NCBP1: variants seen among roughly 807,000 people sequenced by gnomAD.
NCBP1 encodes the protein nuclear cap-binding protein subunit 1.
Under a neutral mutation model 111.7 loss-of-function variants are expected in NCBP1, and 16 were observed. That is an observed-to-expected ratio of 0.14 (90% CI 0.10 to 0.22). NCBP1 has a LOEUF of 0.22. NCBP1 is among the 10% of genes least tolerant of loss of function. NCBP1 has a pLI of 1.00. For synonymous variants in NCBP1, 304 were observed against 314.3 expected (o/e 0.97, Z 0.35); for missense variants, 607 against 957.5 (o/e 0.63, Z 4.83).
intron 1 of NCBP1, among the ~76,000 whole-genome samples, chr9:97,637,381 T>C (rs1215273263): frequency 6.6e-6 from 1 of 152,236 alleles, no homozygotes; most frequent in Admixed American, 6.5e-5. Flanking sequence ...TGCAGTCCAT[T>C]GTTTGTTCTT....
In NCBP1 at chr9:97,672,508, T is replaced by G. The variant is rs1828222123; in HGVS notation, c.*1309T>G. On this transcript the variant is annotated 3_prime_UTR_variant, in exon 23 of 23. Transcript: ENST00000375147. The stretch of plus-strand genomic sequence containing the variant: ...AGAAAAATCCAGGTTGCGTGGCTGG[T>G]TAGTAAAGGACTAAAACCCAGGTTC... 6.6e-6 allele frequency: 1 copy of G among 152,210 alleles called. No homozygotes were observed. The highest frequency in any genetic ancestry group is 6.5e-5 in the Admixed American group (1 of 15,280). 9.4% of individuals were successfully genotyped at this position (152,210 alleles called of 1,614,324 possible).
chr9:97,672,625 T>TG lies in NCBP1; in HGVS notation c.*1427dup, dbSNP rs1409469494. On this transcript the variant is annotated 3_prime_UTR_variant, in exon 23 of 23. Coordinates refer to ENST00000375147, the MANE Select transcript of NCBP1 (RefSeq NM_002486.5). ...ATTATATATAATTACAGTTGACCCT[T>TG]GAACAACATGGGTTTGAACTGTGTG... 1.3e-5 allele frequency: 2 copies of TG among 152,322 alleles called. No homozygotes were observed. Among genetic ancestry groups the TG allele is most frequent in the Non-Finnish European group, 2.9e-5 (2 of 68,148 alleles). The allele number at this position is 152,322 out of a possible 1,614,324, so 9.4% of individuals were successfully genotyped here. A position where few individuals can be genotyped will look rare whatever the true frequency, so the allele number is the denominator to read the frequency against.
chr9:97,656,048 C>T lies in NCBP1; in HGVS notation c.1336C>T (p.Pro446Ser), dbSNP rs753846445. The T allele has an allele frequency of 1.9e-6, 3 of 1,614,070 alleles. No homozygotes were observed. In the Admixed American group the frequency reaches 5.0e-5, roughly 27 times the overall value. ...TAGTCAAGATCCTGAAAGTCCCAAA[C>T]CGAAGTTTGTAAGAGAAGTTCTAGA... ...CLSQDPESPKPKFVREVLEKC... is the reference protein window; with the variant it reads ...CLSQDPESPKSKFVREVLEKC... Residue 446 changes from proline to serine, a missense_variant, in exon 14 of 23, where the codon CCG becomes TCG. Pro to Ser is a moderately conservative substitution (Grantham distance 74). Transcript: ENST00000375147.
At chr9:97,635,373 G>A (rs1232380484) in intron 1 of NCBP1, among the ~76,000 whole-genome samples, 2 of 150,964 alleles carry the variant, frequency 1.3e-5, no homozygotes, top group Non-Finnish European at 2.9e-5. Context: ...GAGGTTTCTT[G>A]TGTAACCTCT....
rs920130487 is a variant in NCBP1 at position 97,638,565 on chromosome 9, G to A, written c.35-2229G>A. 2.0e-5 allele frequency among the ~76,000 whole-genome samples: 3 copies of A among 152,188 alleles called. No individual in the cohort carries two copies. In the South Asian group the frequency reaches 6.2e-4, roughly 31 times the overall value. ...TGAGCCAGAAAGAAGGGAACAGTGT[G>A]CTTAAGGTTTAAAAAACAGCAACAA... On this transcript the variant is annotated intron_variant, in intron 1 of 22. Transcript: ENST00000375147.
intron 1 of NCBP1, 64 bp from the exon 2 acceptor site, chr9:97,640,730 G>A (rs1019062345): frequency 7.6e-7 from 1 of 1,307,686 alleles, no homozygotes; most frequent in Non-Finnish European, 1.1e-6. Context: ...ACCTAAAAAG[G>A]TTAAATAAAA....
intron 9 of NCBP1, 103 bp from the exon 10 acceptor site, chr9:97,651,207 G>T: frequency 1.2e-6 from 1 of 827,364 alleles, no homozygotes; most frequent in Non-Finnish European, 1.8e-6. Context: ...TTTCAAAAAA[G>T]ATTTTTCTTT....
intron 22 of NCBP1, 39 bp from the exon 23 acceptor site, chr9:97,671,047 T>C: frequency 7.2e-7 from 1 of 1,384,378 alleles, no homozygotes; most frequent in Non-Finnish European, 1.0e-6. Context: ...GCTTATATGC[T>C]TTTTCCTGAC....
chr9:97,658,515 C>G (rs1228795691), intron 14 of NCBP1, 125 bp from the exon 15 acceptor site: 1 of 702,550 alleles, frequency 1.4e-6, no homozygotes, highest in South Asian at 1.8e-5. Flanking sequence ...TTTTTTTTCC[C>G]TTTCACTTCT....
At position 97,648,127 on chromosome 9, in the gene NCBP1, T is replaced by C. The variant is rs778107602; in HGVS notation, c.801T>C (p.Asn267=). 3.7e-6 allele frequency: 6 copies of C among 1,614,200 alleles called. No homozygotes were observed. The highest frequency in any genetic ancestry group is 2.5e-6 in the Non-Finnish European group (3 of 1,180,020). ...DSILCEALQH[N]LPPFTPPPHT... is the part of the protein sequence containing the mutation. ...TCCTGTGTGAAGCACTGCAGCACAA[T>C]CTGCCTCCTTTTACACCACCTCCTC... Residue 267 remains asparagine, a synonymous_variant, in exon 8 of 23, where the codon AAT becomes AAC. Transcript: ENST00000375147.
intron 10 of NCBP1, among the ~76,000 whole-genome samples, chr9:97,653,162 C>T (rs1348022254): frequency 6.8e-6 from 1 of 147,748 alleles, no homozygotes; most frequent in African/African-American, 2.6e-5. Flanking sequence ...GCTCTGTCGC[C>T]TAGGCTGGAG....
At chr9:97,640,327 T>G (rs1463140800) in intron 1 of NCBP1, among the ~76,000 whole-genome samples, 2 of 152,178 alleles carry the variant, frequency 1.3e-5, no homozygotes, top group South Asian at 4.1e-4. Context: ...CGACTTGGTT[T>G]TGCACCCTTA....
chr9:97,633,848 G>A lies in NCBP1; in HGVS notation c.-34G>A, dbSNP rs1826906331. On this transcript the variant is annotated 5_prime_UTR_variant, in exon 1 of 23. Coordinates refer to ENST00000375147, the MANE Select transcript of NCBP1 (RefSeq NM_002486.5). Reference sequence around the variant, plus strand: ...ACAGTTCCTGCAGCGCTTACCGCCTGGCCTCTCGGTTCCGCGGCGCACCGG... The same window carrying A: ...ACAGTTCCTGCAGCGCTTACCGCCTAGCCTCTCGGTTCCGCGGCGCACCGG... 1.3e-6 allele frequency: 2 copies of A among 1,570,882 alleles called. No individual in the cohort carries two copies. The highest frequency in any genetic ancestry group is 1.7e-6 in the Non-Finnish European group (2 of 1,165,238).
At chr9:97,650,423 AG>A in intron 8 of NCBP1, 79 bp from the exon 9 acceptor site, 2 of 1,027,592 alleles carry the variant, frequency 1.9e-6, no homozygotes, top group South Asian at 3.0e-5. Flanking sequence ...GGAACATAAT[AG>A]TCTCTCAAAT....
intron 15 of NCBP1, among the ~76,000 whole-genome samples, chr9:97,659,484 C>A (rs1827770220): frequency 6.6e-6 from 1 of 152,154 alleles, no homozygotes; most frequent in Non-Finnish European, 1.5e-5. Flanking sequence ...CTGTGTCGGT[C>A]CTGGTACATT....
At chr9:97,654,029 G>C (rs1353358672) in intron 11 of NCBP1, 121 bp downstream of exon 11, 5 of 731,356 alleles carry the variant, frequency 6.8e-6, no homozygotes, top group African/African-American at 1.8e-5. Flanking sequence ...AGTGTGTTGT[G>C]TGTGTGTATT....
At position 97,660,777 on chromosome 9, in the gene NCBP1, A is replaced by C. The variant is rs144428168; in HGVS notation, c.1478-169A>C. ...GAAAAACCATTAACCTATTAGAAAA[A>C]GCTTTCACATACGGTATTTATATGT... On this transcript the variant is annotated intron_variant, in intron 15 of 22. Transcript: ENST00000375147. 4.0e-4 allele frequency among the ~76,000 whole-genome samples: 61 copies of C among 152,356 alleles called. 1 individual carries two copies. The highest frequency in any genetic ancestry group is 1.3e-3 in the African/African-American group (55 of 41,586).
chr9:97,633,952 G>A, intron 1 of NCBP1, 37 bp downstream of exon 1: 1 of 1,561,202 alleles, frequency 6.4e-7, no homozygotes, highest in Non-Finnish European at 8.6e-7. Context: ...GGCCGCTCCC[G>A]GTTGGGAGCC....
intron 6 of NCBP1, among the ~76,000 whole-genome samples, chr9:97,646,212 C>G (rs1466114454): frequency 6.6e-6 from 1 of 152,202 alleles, no homozygotes; most frequent in Non-Finnish European, 1.5e-5. Flanking sequence ...GCTCTTAAAA[C>G]AGTGGTCCTT....
Sources: gnomAD v4.1 joint callset for allele counts (sites outside exome capture counted in the v4.1 genomes callset) on GRCh38, gnomAD v4.1.1 for gene constraint, MANE v1.5 for transcripts, NCBI Gene and HGNC (gene_info 2026-07-23, HGNC 2026-07-21) for gene names.